ENPP2: variants seen among roughly 807,000 people sequenced by gnomAD.
ENPP2 encodes the protein ectonucleotide pyrophosphatase/phosphodiesterase 2.
A neutral mutation model predicts 120.2 loss-of-function variants in ENPP2; 51 were observed. The ratio of observed to expected loss-of-function variants is 0.42; its 90% CI spans 0.34 to 0.54. The LOEUF is 0.54. Ranked by LOEUF, ENPP2 falls within the 20% of genes least tolerant of loss-of-function variation. The pLI is 0.04. For missense variants in ENPP2, 920 were observed against 1,066.5 expected, an observed-to-expected ratio of 0.86 and a Z score of 1.91; for synonymous variants, 365 against 366.4, an observed-to-expected ratio of 1.00 and a Z score of 0.04.
chr8:119,671,617 A>G (rs1376316987), intron 1 of ENPP2, among the ~76,000 whole-genome samples: 1 of 152,184 alleles, frequency 6.6e-6, no homozygotes, highest in Non-Finnish European at 1.5e-5. Context: ...AGAAAAGAGG[A>G]AGAGCAGGCC....
rs187673299 is a variant in ENPP2, at chr8:119,599,185, C to T, written c.972+1493G>A. ...ATTTGTGTTTCACAATCATACAAGACGGGTTAAACTTCAAAGGGACAGAAA... is the reference window on the plus strand; with the variant it reads ...ATTTGTGTTTCACAATCATACAAGATGGGTTAAACTTCAAAGGGACAGAAA... On this transcript the variant is annotated intron_variant, in intron 11 of 24. Transcript: ENST00000075322. Among the ~76,000 whole-genome samples the T allele has an allele frequency of 1.4e-3, 217 of 152,186 alleles. No individual in the cohort carries two copies. The Middle Eastern group carries it at 0.017, about 12-fold the overall frequency.
Position 119,582,480 on chromosome 8 carries a change from T to A in ENPP2, c.1666A>T (p.Ile556Phe). The A allele has an allele frequency of 1.2e-6, 2 of 1,614,076 alleles. No individual in the cohort carries two copies. The highest frequency in any genetic ancestry group is 1.7e-6 in the Non-Finnish European group (2 of 1,179,930). The part of the protein sequence containing the change: ...EEVTRPNYPG[I>F]MYLQSDFDLG... ...TCAAAATCAGACTGAAGGTACATAA[T>A]CCCTGGATAATTGGGTCTGGTAACT... Residue 556 changes from isoleucine to phenylalanine, a missense_variant, in exon 18 of 25, where the codon ATT becomes TTT. Physicochemically the swap from Ile to Phe is conservative, Grantham distance 21. Coordinates refer to ENST00000075322, the MANE Select transcript of ENPP2 (RefSeq NM_001040092.3).
intron 1 of ENPP2, among the ~76,000 whole-genome samples, chr8:119,663,448 T>A (rs1587591267): frequency 2.6e-5 from 4 of 152,254 alleles, no homozygotes; most frequent in Admixed American, 2.6e-4. Flanking sequence ...ATACATTGTT[T>A]ATCTGAAACT....
At chr8:119,561,187 C>A (rs1178044639) in intron 24 of ENPP2, among the ~76,000 whole-genome samples, 1 of 152,198 alleles carries the variant, frequency 6.6e-6, no homozygotes, top group African/African-American at 2.4e-5. Context: ...ACATTCATAG[C>A]CTCAATCTTC....
intron 2 of ENPP2, among the ~76,000 whole-genome samples, chr8:119,633,320 T>C (rs80116040): frequency 0.013 from 1,999 of 152,328 alleles, 43 homozygotes; most frequent in African/African-American, 0.046. Context: ...AAGGTTCTTC[T>C]AAGCTTTGTC....
chr8:119,612,131 G>A (rs1029011459), intron 8 of ENPP2, among the ~76,000 whole-genome samples: 1 of 152,146 alleles, frequency 6.6e-6, no homozygotes, highest in Non-Finnish European at 1.5e-5. Flanking sequence ...AATGCTGGGG[G>A]AAGGAAGGCC....
intron 1 of ENPP2, among the ~76,000 whole-genome samples, chr8:119,644,473 A>T (rs1306216434): frequency 1.3e-5 from 2 of 151,300 alleles, no homozygotes; most frequent in Non-Finnish European, 2.9e-5. Context: ...ATTAGATCAT[A>T]AGAAAGACAT....
At chr8:119,619,109 T>A in intron 5 of ENPP2, 135 bp downstream of exon 5, 2 of 646,254 alleles carry the variant, frequency 3.1e-6, no homozygotes, top group South Asian at 3.8e-5. Flanking sequence ...CATGAATTAC[T>A]CCTAAGTACT....
chr8:119,647,812 C>G (rs1029792080), intron 1 of ENPP2, among the ~76,000 whole-genome samples: 6 of 152,080 alleles, frequency 3.9e-5, no homozygotes, highest in African/African-American at 1.4e-4. Context: ...CGATGCCGAC[C>G]TGGCCAACAT....
intron 1 of ENPP2, among the ~76,000 whole-genome samples, chr8:119,649,162 G>C (rs1817555841): frequency 6.6e-6 from 1 of 151,842 alleles, no homozygotes; most frequent in Admixed American, 6.6e-5. Context: ...GGGAGGCGGA[G>C]GTGGGCGGAT....
At chr8:119,601,026 G>C (rs1395187421) in intron 10 of ENPP2, among the ~76,000 whole-genome samples, 1 of 152,100 alleles carries the variant, frequency 6.6e-6, no homozygotes, top group Non-Finnish European at 1.5e-5. Flanking sequence ...AGATAACAGA[G>C]CCTGGCGGTA....
chr8:119,651,628 T>A (rs1817630032), intron 1 of ENPP2, among the ~76,000 whole-genome samples: 2 of 152,184 alleles, frequency 1.3e-5, no homozygotes, highest in African/African-American at 4.8e-5. Context: ...AAATGTTTGA[T>A]GAGTCTTGAT....
chr8:119,598,530 C>CA (rs1374458770), intron 11 of ENPP2, among the ~76,000 whole-genome samples: 1 of 152,052 alleles, frequency 6.6e-6, no homozygotes, highest in East Asian at 1.9e-4. Context: ...TCAGTACTTT[C>CA]AAAAAAACTT....
rs58771451 is a variant in ENPP2, at chr8:119,588,528, CAAA to C, written c.1208-1456_1208-1454del. ...TGGGCGACAGAACAAAACTCCGCCTCAAAAAAAAAAAAAAAAAAAAAAAAGAGC... is the reference window on the plus strand; with the variant it reads ...TGGGCGACAGAACAAAACTCCGCCTCAAAAAAAAAAAAAAAAAAAAAGAGC... On this transcript the variant is annotated intron_variant, in intron 13 of 24. Transcript: ENST00000075322. Among the ~76,000 whole-genome samples the C allele has an allele frequency of 1.0e-3, 69 of 68,158 alleles. 1 individual carries two copies. Among genetic ancestry groups the C allele is most frequent in the Admixed American group, 2.2e-3 (13 of 5,852 alleles). The allele number at this position is 68,158 out of a possible 152,430, so 44.7% of individuals were successfully genotyped here.
chr8:119,667,744 C>T (rs1283078518), intron 1 of ENPP2, among the ~76,000 whole-genome samples: 1 of 152,200 alleles, frequency 6.6e-6, no homozygotes, highest in East Asian at 1.9e-4. Flanking sequence ...GTTCATACTG[C>T]AGCCAGATTG....
intron 24 of ENPP2, among the ~76,000 whole-genome samples, chr8:119,560,326 C>T (rs369755223): frequency 4.6e-5 from 7 of 152,170 alleles, no homozygotes; most frequent in African/African-American, 9.7e-5. Context: ...CCATGTTATA[C>T]GGAGGCATTA....
intron 8 of ENPP2, among the ~76,000 whole-genome samples, chr8:119,614,000 C>T (rs1815290010): frequency 6.6e-6 from 1 of 151,410 alleles, no homozygotes; most frequent in Admixed American, 6.6e-5. Context: ...ATATGTTTTT[C>T]CAATATGCCA....
chr8:119,566,245 CAA>C (rs1272052220), intron 22 of ENPP2, among the ~76,000 whole-genome samples: 1 of 152,130 alleles, frequency 6.6e-6, no homozygotes, highest in Non-Finnish European at 1.5e-5. Flanking sequence ...TGGAGAAAAA[CAA>C]GAGAATAACA....
chr8:119,661,340 T>G (rs912567759), intron 1 of ENPP2, among the ~76,000 whole-genome samples: 7 of 151,990 alleles, frequency 4.6e-5, no homozygotes, highest in African/African-American at 1.7e-4. Flanking sequence ...AAATAAAAAA[T>G]AATGGTTGAA....
Sources: allele counts gnomAD v4.1 joint callset (sites outside exome capture counted in the v4.1 genomes callset), GRCh38; gene constraint gnomAD v4.1.1; transcripts MANE v1.5; gene names NCBI Gene and HGNC (gene_info 2026-07-23, HGNC 2026-07-21).